The following COL18A1 variants were observed in gnomAD, a reference collection of about 807,000 sequenced individuals.
The protein encoded by COL18A1 is collagen type XVIII alpha 1 chain, also known as collagen alpha-1(XVIII) chain.
In COL18A1, 133 loss-of-function variants were observed where a neutral mutation model predicts 168.0. The observed-to-expected ratio is 0.79, with a 90% confidence interval of 0.69 to 0.91. COL18A1 has a LOEUF of 0.91. Ranked by LOEUF, COL18A1 falls within the 40% of genes least tolerant of loss-of-function variation. COL18A1 has a pLI of 0.00. For missense variants in COL18A1, 2,126 were observed against 1,925.4 expected (o/e 1.10, Z -1.95); for synonymous variants, 949 against 809.0 (o/e 1.17, Z -2.94).
chr21:45,455,192 C>G (rs1205011244), intron 2 of COL18A1, among the ~76,000 whole-genome samples: 1 of 152,246 alleles, frequency 6.6e-6, no homozygotes. Context: ...GAGCCCCAAT[C>G]CAGAGACTCA....
rs756329499 is a variant in COL18A1 at position 45,405,390 on chromosome 21, C to T, written c.23C>T (p.Pro8Leu). The change falls in exon 2 of 42, where the codon CCA becomes CTA. Residue 8 changes from proline (P) to leucine (L), a missense_variant. Transcript: ENST00000651438. Reference sequence around the variant, plus strand: ...CCTGTCCCGCGCAGGTGCCCCTGGCCATGGCCGCGGCGGCGGCGCCTCCTG... The same window carrying T: ...CCTGTCCCGCGCAGGTGCCCCTGGCTATGGCCGCGGCGGCGGCGCCTCCTG... MAPRCPW[P>L]WPRRRRLLDV... The T allele has an allele frequency of 4.8e-6, 6 of 1,262,204 alleles. No individual in the cohort carries two copies. Among genetic ancestry groups the T allele is most frequent in the South Asian group, 2.0e-5 (1 of 48,896 alleles). The allele number at this position is 1,262,204 out of a possible 1,614,324, so 78.2% of individuals were successfully genotyped here.
At chr21:45,496,382 G>A (rs1479598736) in intron 29 of COL18A1, 118 bp from the exon 30 acceptor site, 2 of 770,640 alleles carry the variant, frequency 2.6e-6, no homozygotes, top group Admixed American at 1.7e-5. Flanking sequence ...GGTTTTGCCT[G>A]GTCAGAGGTC....
At chr21:45,431,777 C>T (rs1784663474) in intron 2 of COL18A1, among the ~76,000 whole-genome samples, 1 of 152,186 alleles carries the variant, frequency 6.6e-6, no homozygotes, top group Non-Finnish European at 1.5e-5. Context: ...CAGGGCAGGC[C>T]GTCGCGGACG....
chr21:45,505,911 T>G lies in COL18A1; in HGVS notation c.3161T>G (p.Val1054Gly). The part of the protein sequence containing the change: ...HEVPEGWLIF[V>G]AEQEELYVRV... ...GTTCCCGAGGGCTGGCTCATCTTCG[T>G]GGCCGAGCAGGAGGAGCTCTACGTC... Residue 1054 changes from valine to glycine, a missense_variant, in exon 37 of 42, where the codon GTG becomes GGG. By Grantham distance (109) the Val-to-Gly change is moderately radical. Transcript: ENST00000651438. 1.2e-6 allele frequency: 2 copies of G among 1,613,114 alleles called. No individual in the cohort carries two copies. The highest frequency in any genetic ancestry group is 1.7e-6 in the Non-Finnish European group (2 of 1,179,964).
chr21:45,456,647 TG>T (rs528991245), intron 2 of COL18A1: 33 of 1,535,406 alleles, frequency 2.1e-5, no homozygotes, highest in Admixed American at 2.0e-5. Context: ...GGCACGGGCG[TG>T]GGGGGGCCTG....
intron 13 of COL18A1, 76 bp downstream of exon 13, chr21:45,480,934 C>T: frequency 6.5e-7 from 1 of 1,530,310 alleles, no homozygotes; most frequent in Non-Finnish European, 8.8e-7. Context: ...ACATGGGAGC[C>T]CCTGCCCCGC....
Position 45,480,088 on chromosome 21 carries a change from G to A in COL18A1, c.1330G>A (p.Glu444Lys). The A allele has an allele frequency of 6.2e-7, 1 of 1,609,920 alleles. No individual in the cohort carries two copies. Among genetic ancestry groups the A allele is most frequent in the Non-Finnish European group, 8.5e-7 (1 of 1,176,396 alleles). Residue 444 changes from glutamate to lysine, a missense_variant, in exon 11 of 42, where the codon GAG (glutamate) becomes AAG (lysine). Transcript: ENST00000651438. ...KGDKGDPGVG[E>K]RGPPGPQGPP... ...TTCCCAGGGAGACCCTGGGGTTGGA[G>A]AGAGAGGGCCCCCAGGACCCCAAGG...
chr21:45,484,257 G>C, intron 15 of COL18A1, among the ~76,000 whole-genome samples: 1 of 140,044 alleles, frequency 7.1e-6, no homozygotes, highest in Middle Eastern at 5.1e-3. Flanking sequence ...CAGCATATGT[G>C]CACACACACA....
intron 4 of COL18A1, 132 bp from the exon 5 acceptor site, chr21:45,475,344 C>A: frequency 1.2e-6 from 1 of 827,468 alleles, no homozygotes; most frequent in South Asian, 1.5e-5. Flanking sequence ...CGGAGAGCAC[C>A]AGAGAGGGCT....
intron 2 of COL18A1, among the ~76,000 whole-genome samples, chr21:45,413,390 G>A (rs1440938210): frequency 1.3e-5 from 2 of 152,242 alleles, no homozygotes; most frequent in African/African-American, 4.8e-5. Flanking sequence ...GGGGACCCAG[G>A]GAACACCTGT....
intron 32 of COL18A1, among the ~76,000 whole-genome samples, chr21:45,499,239 C>T (rs1469518624): frequency 6.6e-6 from 1 of 152,260 alleles, no homozygotes; most frequent in South Asian, 2.1e-4. Flanking sequence ...AGGCCAGCCA[C>T]TCCAGACCCG....
At chr21:45,508,860 A>C (rs910366087) in intron 38 of COL18A1, among the ~76,000 whole-genome samples, 8 of 152,250 alleles carry the variant, frequency 5.3e-5, no homozygotes, top group African/African-American at 1.9e-4. Flanking sequence ...GTGCAGGTGG[A>C]TGGCAATGGC....
At chr21:45,497,775 C>A in intron 32 of COL18A1, 114 bp downstream of exon 32, 1 of 1,399,800 alleles carries the variant, frequency 7.1e-7, no homozygotes, top group East Asian at 2.5e-5. Context: ...TGGGTGGTGA[C>A]CACCTCACCC....
chr21:45,494,272 C>CT (rs2036457484), intron 26 of COL18A1: 1 of 464,942 alleles, frequency 2.2e-6, no homozygotes, highest in African/African-American at 2.9e-5. Flanking sequence ...TCCACCCCTG[C>CT]TTCAGGGTCC....
chr21:45,506,706 T>C (rs2037221031), intron 37 of COL18A1: 3 of 164,156 alleles, frequency 1.8e-5, no homozygotes, highest in Admixed American at 5.6e-5. Flanking sequence ...CCCTGACTCC[T>C]GGAGCCCTCC....
Position 45,510,176 on chromosome 21 carries a change from GCGCCTTCCT to G in COL18A1, c.3609_3617del (p.Ala1204_Leu1206del). 6.3e-7 allele frequency: 1 copy of G among 1,596,480 alleles called. No homozygotes were observed. The highest frequency in any genetic ancestry group is 1.7e-4 in the Middle Eastern group (1 of 6,008). ...GCCGTGGGGCTGGCGGGCACCTTCCGCGCCTTCCTGTCCTCGCGCCTGCAGGACCTGTAC... is the reference window on the plus strand; with the variant it reads ...GCCGTGGGGCTGGCGGGCACCTTCCGGTCCTCGCGCCTGCAGGACCTGTAC... On this transcript the variant is annotated inframe_deletion, in exon 40 of 42. Coordinates refer to ENST00000651438, the MANE Select transcript of COL18A1 (RefSeq NM_001379500.1).
chr21:45,468,222 A>G lies in COL18A1; in HGVS notation c.107-20A>G. On this transcript the variant is annotated intron_variant, in intron 2 of 41. Coordinates refer to ENST00000651438, the MANE Select transcript of COL18A1 (RefSeq NM_001379500.1). ...TTCCGTCCTGCACAGCCACCTCACC[A>G]GCTGTCTTTCTTTTTGCAGAGCGCA... is the stretch of plus-strand genomic sequence containing the variant. The G allele has an allele frequency of 6.2e-7, 1 of 1,612,604 alleles. No individual in the cohort carries two copies. Among genetic ancestry groups the G allele is most frequent in the South Asian group, 1.1e-5 (1 of 91,082 alleles).
At chr21:45,436,940 G>A (rs184064343) in intron 2 of COL18A1, among the ~76,000 whole-genome samples, 1 of 151,852 alleles carries the variant, frequency 6.6e-6, no homozygotes, top group East Asian at 1.9e-4. Flanking sequence ...GCCGGGCTGC[G>A]CGGGGCCCTG....
At chr21:45,479,129 C>T (rs538829149) in intron 9 of COL18A1, among the ~76,000 whole-genome samples, 45 of 149,862 alleles carry the variant, frequency 3.0e-4, no homozygotes, top group Non-Finnish European at 5.2e-4. Context: ...GGCACACACA[C>T]GTGTGTATGT....
Sources: gnomAD v4.1 joint callset for allele counts (sites outside exome capture counted in the v4.1 genomes callset) on GRCh38, gnomAD v4.1.1 for gene constraint, MANE v1.5 for transcripts, NCBI Gene and HGNC (gene_info 2026-07-23, HGNC 2026-07-21) for gene names.